TG: variants seen among roughly 807,000 people sequenced by gnomAD.
The protein encoded by TG is thyroglobulin, also known as thyroid hormones.
TG carries 270 observed loss-of-function variants against 324.7 expected under a neutral mutation model. That is an observed-to-expected ratio of 0.83 (90% CI 0.75 to 0.92). TG has a LOEUF of 0.92. Ranked by LOEUF, TG falls within the 40% of genes least tolerant of loss-of-function variation. The probability of loss-of-function intolerance (pLI) is 0.00; values close to 1 mark genes in which losing one functional copy is unlikely to be tolerated. For synonymous variants in TG, 1,401 were observed against 1,327.0 expected (o/e 1.06, Z -1.21); for missense variants, 3,591 against 3,456.4 (o/e 1.04, Z -0.98).
At chr8:132,998,172 G>T (rs1587721983) in intron 35 of TG, among the ~76,000 whole-genome samples, 1 of 152,114 alleles carries the variant, frequency 6.6e-6, no homozygotes, top group East Asian at 1.9e-4. Flanking sequence ...GAAATCAAGA[G>T]GGAAAGATAA....
intron 40 of TG, 90 bp from the exon 41 acceptor site, chr8:133,029,731 C>T (rs1004890879): frequency 6.3e-5 from 95 of 1,517,774 alleles, no homozygotes; most frequent in Middle Eastern, 6.1e-4. Context: ...CTGGCGGGGC[C>T]GCATATATGC....
chr8:133,031,128 A>G (rs1328787551), intron 41 of TG, among the ~76,000 whole-genome samples: 2 of 152,082 alleles, frequency 1.3e-5, no homozygotes, highest in Admixed American at 6.6e-5. Context: ...CCATCTCCTC[A>G]TTCTCTCAGC....
At chr8:133,122,756 G>A (rs761589980) in intron 45 of TG, among the ~76,000 whole-genome samples, 109 of 152,298 alleles carry the variant, frequency 7.2e-4, no homozygotes, top group Middle Eastern at 3.4e-3. Flanking sequence ...ATGCATGTAT[G>A]TGTATCTGTA....
intron 41 of TG, chr8:133,044,912 G>A (rs781158796): frequency 8.0e-5 from 120 of 1,502,094 alleles, no homozygotes; most frequent in Middle Eastern, 5.2e-4. Flanking sequence ...CATTCCAGAC[G>A]GATGGCGCCA....
chr8:133,079,620 T>A (rs1845443351), intron 41 of TG, among the ~76,000 whole-genome samples: 1 of 152,218 alleles, frequency 6.6e-6, no homozygotes, highest in Non-Finnish European at 1.5e-5. Context: ...AGCCCCATGC[T>A]GGGTCAGAGT....
At chr8:132,992,674 G>A (rs191980960) in intron 35 of TG, among the ~76,000 whole-genome samples, 138 of 152,248 alleles carry the variant, frequency 9.1e-4, no homozygotes, top group Non-Finnish European at 1.5e-3. Context: ...AGTGGCTGTG[G>A]GTGCTGCTGG....
At chr8:132,965,250 A>T (rs1283015525) in intron 29 of TG, among the ~76,000 whole-genome samples, 1 of 152,206 alleles carries the variant, frequency 6.6e-6, no homozygotes, top group Admixed American at 6.5e-5. Context: ...ATCACATGAG[A>T]TGCAGGCTGG....
intron 9 of TG, 50 bp downstream of exon 9, chr8:132,887,598 G>A (rs2132168049): frequency 6.2e-7 from 1 of 1,612,810 alleles, no homozygotes; most frequent in Non-Finnish European, 8.5e-7. Flanking sequence ...CTCTCTTTAG[G>A]CCCTGACCCA....
intron 26 of TG, among the ~76,000 whole-genome samples, chr8:132,944,830 CAT>C (rs1416799999): frequency 9.9e-5 from 15 of 152,156 alleles, no homozygotes; most frequent in Admixed American, 9.8e-4. Context: ...AATCTTGAAT[CAT>C]GTGTAGTTTA....
At chr8:132,891,083 C>T (rs1230294446) in intron 10 of TG, among the ~76,000 whole-genome samples, 1 of 151,978 alleles carries the variant, frequency 6.6e-6, no homozygotes, top group Non-Finnish European at 1.5e-5. Flanking sequence ...GTGGAAAATG[C>T]GGTGGAGGGC....
At chr8:132,945,134 C>T (rs1428938938) in intron 26 of TG, among the ~76,000 whole-genome samples, 1 of 152,184 alleles carries the variant, frequency 6.6e-6, no homozygotes, top group African/African-American at 2.4e-5. Context: ...GACGTGAGCG[C>T]TTGTCATGTC....
intron 36 of TG, among the ~76,000 whole-genome samples, chr8:133,012,553 G>T (rs1834615012): frequency 6.6e-6 from 1 of 152,216 alleles, no homozygotes; most frequent in African/African-American, 2.4e-5. Flanking sequence ...TTAAACAAAA[G>T]CTAGGTAACC....
chr8:133,096,116 T>C (rs1848370457), intron 42 of TG, 90 bp from the exon 43 acceptor site: 5 of 1,482,824 alleles, frequency 3.4e-6, no homozygotes, highest in Admixed American at 1.7e-5. Flanking sequence ...GGATAACCAG[T>C]ATTGGCATTC....
rs1212337265 is a variant in TG at position 132,995,001 on chromosome 8, T to C, written c.6262+11589T>C. On this transcript the variant is annotated intron_variant, in intron 35 of 47. Transcript: ENST00000220616. ...CCTTTAAATTTTGTAATTCTCAGCA[T>C]TGGCTCAGTTATGCTGTAGCGTGTG... The C allele has an allele frequency of 3.1e-6, 3 of 972,250 alleles. No homozygotes were observed. The East Asian group carries it at 3.6e-4, about 115-fold the overall frequency. The allele number at this position is 972,250 out of a possible 1,614,324, so 60.2% of individuals were successfully genotyped here. A position where few individuals can be genotyped will look rare whatever the true frequency, so the allele number is the denominator to read the frequency against.
At position 133,096,898 on chromosome 8, in the gene TG, AG is replaced by A. The variant is rs147334601; in HGVS notation, c.7572+526del. On this transcript the variant is annotated intron_variant, in intron 43 of 47. Coordinates refer to ENST00000220616, the MANE Select transcript of TG (RefSeq NM_003235.5). ...CTGGAGGCACAGTGAAGTGGGAGTG[AG>A]CTGGGAGGTCTTCAGTCTGCTTGAA... is the stretch of plus-strand genomic sequence containing the variant. 2.6e-3 allele frequency among the ~76,000 whole-genome samples: 390 copies of A among 152,318 alleles called. 1 individual carries two copies. Among genetic ancestry groups the A allele is most frequent in the African/African-American group, 8.9e-3 (368 of 41,566 alleles).
In TG at chr8:132,983,352, G is replaced by A. The variant is rs150850621; in HGVS notation, c.6202G>A (p.Ala2068Thr). 6.2e-7 allele frequency: 1 copy of A among 1,613,946 alleles called. No homozygotes were observed. The highest frequency in any genetic ancestry group is 1.7e-5 in the Admixed American group (1 of 59,992). ...YPFGWYQKPIAQNNAPSFCPL... is the reference protein window; with the variant it reads ...YPFGWYQKPITQNNAPSFCPL... ...AAAGACTGCTTTTTCCTTTTCAGTT[G>A]CTCAAAATAATGCTCCCAGTTTTTG... The change falls in exon 35 of 48, where the codon GCT (alanine) becomes ACT (threonine). Residue 2068 changes from alanine (A) to threonine (T), a missense_variant and splice_region_variant. Ala to Thr is a moderately conservative substitution (Grantham distance 58, BLOSUM62 0). Transcript: ENST00000220616.
chr8:133,046,334 A>C (rs535697370), intron 41 of TG: 1 of 152,388 alleles, frequency 6.6e-6, no homozygotes, highest in East Asian at 1.9e-4. Flanking sequence ...AGATGGGAAA[A>C]CAGAGGCCTA....
At chr8:132,998,976 G>A (rs1196593030) in intron 35 of TG, among the ~76,000 whole-genome samples, 1 of 152,172 alleles carries the variant, frequency 6.6e-6, no homozygotes, top group African/African-American at 2.4e-5. Context: ...GAATGACTAG[G>A]CATTCTCAGT....
At chr8:133,070,750 G>A (rs1843880921) in intron 41 of TG, among the ~76,000 whole-genome samples, 1 of 152,196 alleles carries the variant, frequency 6.6e-6, no homozygotes, top group Non-Finnish European at 1.5e-5. Flanking sequence ...TGGGTCTGCT[G>A]GCAAGACCAG....
Sources: allele counts gnomAD v4.1 joint callset (sites outside exome capture counted in the v4.1 genomes callset), GRCh38; gene constraint gnomAD v4.1.1; transcripts MANE v1.5; gene names NCBI Gene and HGNC (gene_info 2026-07-23, HGNC 2026-07-21).